The following AKR1C8 variants were observed in gnomAD, a reference collection of about 807,000 sequenced individuals.
AKR1C8 encodes the protein aldo-keto reductase family 1 member C-like protein 1.
chr10:5,141,410 T>C, the AKR1C8 span, among the ~76,000 whole-genome samples: 1 of 152,156 alleles, frequency 6.6e-6, no homozygotes. Flanking sequence ...ATGTTGATAT[T>C]TTGACATTTT....
the AKR1C8 span, among the ~76,000 whole-genome samples, chr10:5,176,694 A>G: frequency 1.1e-4 from 17 of 152,280 alleles, no homozygotes; most frequent in South Asian, 1.5e-3. Flanking sequence ...GGTCCTTCAC[A>G]TCCCTTGTAA....
chr10:5,162,025 C>T, the AKR1C8 span: 3 of 506,468 alleles, frequency 5.9e-6, no homozygotes, highest in Admixed American at 2.1e-5. Flanking sequence ...CATTTGAGGA[C>T]AAAAATTAAA....
the AKR1C8 span, among the ~76,000 whole-genome samples, chr10:5,118,627 C>G: frequency 0.39 from 59,419 of 151,788 alleles, 12,399 homozygotes; most frequent in Non-Finnish European, 0.43. Context: ...AGAGGATTGA[C>G]ATATAAGAGG....
chr10:5,169,110 G>A, the AKR1C8 span, among the ~76,000 whole-genome samples: 213 of 152,218 alleles, frequency 1.4e-3, 1 homozygote, highest in South Asian at 0.015. Context: ...AAATAACACC[G>A]CACCTCCCCC....
At chr10:5,167,917 C>T in the AKR1C8 span, among the ~76,000 whole-genome samples, 1 of 151,974 alleles carries the variant, frequency 6.6e-6, no homozygotes, top group African/African-American at 2.4e-5. Context: ...AAATTGTATA[C>T]AACTCTTAGA....
the AKR1C8 span, among the ~76,000 whole-genome samples, chr10:5,146,007 A>G: frequency 8.4e-4 from 128 of 152,216 alleles, 1 homozygote; most frequent in Middle Eastern, 6.8e-3. Context: ...ACCATGGAAT[A>G]CTATGCAGCC....
the AKR1C8 span, chr10:5,157,526 G>T: frequency 2.2e-5 from 8 of 361,324 alleles, no homozygotes; most frequent in African/African-American, 1.5e-4. Context: ...CCTTAGCACA[G>T]AGTGGAGAGC....
chr10:5,124,033 C>T, the AKR1C8 span, among the ~76,000 whole-genome samples: 2 of 152,082 alleles, frequency 1.3e-5, no homozygotes, highest in African/African-American at 2.4e-5. Context: ...TTTCTGAGCA[C>T]AAGCAACTCC....
chr10:5,176,504 A>T, the AKR1C8 span, among the ~76,000 whole-genome samples: 1 of 150,336 alleles, frequency 6.7e-6, no homozygotes, highest in East Asian at 1.9e-4. Flanking sequence ...GTTTTTTCCA[A>T]TTCTGTGAAG....
At chr10:5,176,928 G>T in the AKR1C8 span, among the ~76,000 whole-genome samples, 1 of 152,116 alleles carries the variant, frequency 6.6e-6, no homozygotes, top group Non-Finnish European at 1.5e-5. Context: ...CTGCAAACAG[G>T]GATAATTTGA....
chr10:5,169,163 C>G, the AKR1C8 span, among the ~76,000 whole-genome samples: 1 of 152,210 alleles, frequency 6.6e-6, no homozygotes, highest in African/African-American at 2.4e-5. Context: ...TCTGCTCTTT[C>G]TGGCTGCTTG....
the AKR1C8 span, among the ~76,000 whole-genome samples, chr10:5,180,337 T>G: frequency 3.3e-5 from 5 of 152,158 alleles, no homozygotes; most frequent in South Asian, 8.3e-4. Context: ...CTCTGGAAGT[T>G]TTGTCTCAAA....
At chr10:5,153,490 C>T in the AKR1C8 span, among the ~76,000 whole-genome samples, 72 of 152,224 alleles carry the variant, frequency 4.7e-4, no homozygotes, top group African/African-American at 1.6e-3. Flanking sequence ...AGTCCGTTGT[C>T]ACACTGCTAT....
chr10:5,123,449 A>C, the AKR1C8 span: 1 of 446,288 alleles, frequency 2.2e-6, no homozygotes, highest in South Asian at 4.2e-5. Flanking sequence ...CCTGGAAGGA[A>C]ACCCAGAAAT....
the AKR1C8 span, among the ~76,000 whole-genome samples, chr10:5,149,487 G>T: frequency 1.3e-5 from 2 of 152,086 alleles, no homozygotes; most frequent in African/African-American, 4.8e-5. Context: ...AGCCAAAAAT[G>T]TATCTGTGCC....
the AKR1C8 span, among the ~76,000 whole-genome samples, chr10:5,157,334 A>T: frequency 2.0e-5 from 3 of 151,412 alleles, no homozygotes; most frequent in Non-Finnish European, 4.4e-5. Context: ...GTGAAGGAGA[A>T]GAATCAGGGT....
chr10:5,120,272 T>C, the AKR1C8 span, among the ~76,000 whole-genome samples: 1 of 152,182 alleles, frequency 6.6e-6, no homozygotes, highest in Non-Finnish European at 1.5e-5. Flanking sequence ...GATAAATATG[T>C]GGGTAAGACT....
chr10:5,154,390 A>G, the AKR1C8 span: 1 of 233,324 alleles, frequency 4.3e-6, no homozygotes, highest in South Asian at 5.8e-5. Flanking sequence ...ATTTAAATAT[A>G]ATCATAAAGA....
the AKR1C8 span, among the ~76,000 whole-genome samples, chr10:5,168,002 T>C: frequency 6.6e-6 from 1 of 152,076 alleles, no homozygotes; most frequent in Non-Finnish European, 1.5e-5. Flanking sequence ...CAATTGCTAA[T>C]TATAATGAAC....
Sources: allele counts gnomAD v4.1 joint callset (sites outside exome capture counted in the v4.1 genomes callset), GRCh38; gene constraint gnomAD v4.1.1; transcripts MANE v1.5; gene names NCBI Gene and HGNC (gene_info 2026-07-23, HGNC 2026-07-21).